FBXL17: variants seen among roughly 807,000 people sequenced by gnomAD.
FBXL17 encodes F-box and leucine rich repeat protein 17, also known as F-box/LRR-repeat protein 17.
A neutral mutation model predicts 66.2 loss-of-function variants in FBXL17; 22 were observed. That is an observed-to-expected ratio of 0.33 (90% CI 0.24 to 0.47). The LOEUF (loss-of-function observed/expected upper bound fraction) is 0.47. Ranked by LOEUF, FBXL17 falls within the 20% of genes least tolerant of loss-of-function variation. The pLI, the probability that FBXL17 is intolerant of heterozygous loss-of-function variation, is 1.00. For missense variants in FBXL17, 878 were observed against 948.2 expected, an observed-to-expected ratio of 0.93 and a Z score of 0.97; for synonymous variants, 474 against 400.5, an observed-to-expected ratio of 1.18 and a Z score of -2.19.
intron 7 of FBXL17, chr5:108,020,714 T>G (rs528125983): frequency 2.3e-6 from 1 of 435,906 alleles, no homozygotes; most frequent in African/African-American, 2.0e-5. Context: ...GTGTGTGTGA[T>G]TGCATGTGGC....
At chr5:108,310,068 T>A (rs931972306) in intron 4 of FBXL17, among the ~76,000 whole-genome samples, 1 of 152,102 alleles carries the variant, frequency 6.6e-6, no homozygotes, top group Non-Finnish European at 1.5e-5. Context: ...TAAAGGCAGG[T>A]GAATGTCTGT....
At chr5:108,353,419 A>T (rs1166986613) in intron 3 of FBXL17, among the ~76,000 whole-genome samples, 1 of 152,168 alleles carries the variant, frequency 6.6e-6, no homozygotes, top group Non-Finnish European at 1.5e-5. Flanking sequence ...TTCCAGGGGG[A>T]CCAGGTTATA....
At chr5:108,148,259 GATAA>G (rs34584839) in intron 6 of FBXL17, among the ~76,000 whole-genome samples, 30,006 of 151,924 alleles carry the variant, frequency 0.2, 3,189 homozygotes, top group South Asian at 0.41. Flanking sequence ...TAAAATATCA[GATAA>G]TAAGAGTACA....
rs376559649 is a variant in FBXL17, at chr5:108,278,386, G to A, written c.1507-54158C>T. ...GGAACCCGCTGCACCAGTCCTAGGT[G>A]TTAGAGAAACTCGGGCTGCTGCATG... On this transcript the variant is annotated intron_variant, in intron 4 of 8. Transcript: ENST00000542267. Among the ~76,000 whole-genome samples, 159 of 152,346 alleles carry A rather than the reference G, an allele frequency of 1.0e-3. 5 individuals are homozygous for A. In the South Asian group the frequency reaches 0.031, roughly 30 times the overall value.
At chr5:108,361,955 A>G (rs984648114) in intron 3 of FBXL17, among the ~76,000 whole-genome samples, 8 of 152,168 alleles carry the variant, frequency 5.3e-5, no homozygotes, top group African/African-American at 1.9e-4. Context: ...GGTGAGGCAC[A>G]GGCAAGTAAA....
rs573142351 is a variant in FBXL17 at position 107,997,757 on chromosome 5, G to C, written c.1822+23168C>G. Among the ~76,000 whole-genome samples, 40 of 152,294 alleles carry C rather than the reference G, an allele frequency of 2.6e-4. No homozygotes were observed. The South Asian group carries it at 8.1e-3, about 31-fold the overall frequency. On this transcript the variant is annotated intron_variant, in intron 7 of 8. Coordinates refer to ENST00000542267, the MANE Select transcript of FBXL17 (RefSeq NM_001163315.3). ...TTATAAAAAGAAAGGAAAAGCCTCA[G>C]AAGGATGAGGTAGGAGGTGAACTTA...
Position 107,973,137 on chromosome 5 carries a change from G to A in FBXL17, c.1822+47788C>T, listed in dbSNP as rs181240545. On this transcript the variant is annotated intron_variant, in intron 7 of 8. Transcript: ENST00000542267. ...CTGAACTGGGGCTTCAGGAAATGGA[G>A]CCTGTTCAGGGTATACTCCATTTTA... Among the ~76,000 whole-genome samples, 6 of 152,232 alleles carry A rather than the reference G, an allele frequency of 3.9e-5. No homozygotes were observed. In the East Asian group the frequency reaches 9.7e-4, roughly 25 times the overall value.
At chr5:108,272,904 C>T (rs941663013) in intron 4 of FBXL17, among the ~76,000 whole-genome samples, 4 of 152,080 alleles carry the variant, frequency 2.6e-5, no homozygotes, top group African/African-American at 9.7e-5. Flanking sequence ...TATCAGCGAA[C>T]CTGCCCCGAT....
chr5:108,110,806 C>G (rs1750004859), intron 6 of FBXL17, among the ~76,000 whole-genome samples: 1 of 151,152 alleles, frequency 6.6e-6, no homozygotes, highest in African/African-American at 2.4e-5. Flanking sequence ...ATTTGCTGTA[C>G]CTAGTTTCTT....
intron 5 of FBXL17, among the ~76,000 whole-genome samples, chr5:108,223,259 C>A (rs577719216): frequency 6.6e-6 from 1 of 152,232 alleles, no homozygotes; most frequent in South Asian, 2.1e-4. Context: ...TCAAAGAGAT[C>A]TGAAGACATC....
intron 7 of FBXL17, among the ~76,000 whole-genome samples, chr5:107,999,158 T>C (rs998562540): frequency 2.6e-5 from 4 of 152,182 alleles, no homozygotes; most frequent in African/African-American, 7.2e-5. Context: ...TTATGTTATA[T>C]AGGTCTATTG....
At chr5:108,208,820 T>C (rs1257469032) in intron 5 of FBXL17, among the ~76,000 whole-genome samples, 2 of 152,186 alleles carry the variant, frequency 1.3e-5, no homozygotes, top group African/African-American at 4.8e-5. Context: ...ATATAAATTT[T>C]AAAGTAGTTT....
chr5:108,334,224 C>T (rs530925446), intron 4 of FBXL17, among the ~76,000 whole-genome samples: 1 of 152,248 alleles, frequency 6.6e-6, no homozygotes, highest in East Asian at 1.9e-4. Flanking sequence ...GTTAAGCTTC[C>T]ACTCTGACTT....
rs115569125 is a variant in FBXL17 at position 108,138,469 on chromosome 5, G to A, written c.1745+47648C>T. ...ACGTTTTTTTCTTTCCTATTCCAAT[G>A]CCTAGTACAATTGGGCCTGATATTA... is the stretch of plus-strand genomic sequence containing the variant. On this transcript the variant is annotated intron_variant, in intron 6 of 8. Coordinates refer to ENST00000542267, the MANE Select transcript of FBXL17 (RefSeq NM_001163315.3). Among the ~76,000 whole-genome samples the A allele has an allele frequency of 3.0e-3, 455 of 152,176 alleles. 4 individuals are homozygous for A. The highest frequency in any genetic ancestry group is 0.01 in the African/African-American group (433 of 41,502).
chr5:107,951,630 G>C (rs1221357841), intron 7 of FBXL17, among the ~76,000 whole-genome samples: 1 of 152,250 alleles, frequency 6.6e-6, no homozygotes, highest in Non-Finnish European at 1.5e-5. Context: ...GGCAGTATAT[G>C]AGAGAGCTAA....
intron 8 of FBXL17, among the ~76,000 whole-genome samples, chr5:107,866,397 T>C (rs1448293176): frequency 6.6e-6 from 1 of 152,236 alleles, no homozygotes; most frequent in Non-Finnish European, 1.5e-5. Flanking sequence ...GCAATTTGTC[T>C]GATATTTTAA....
chr5:108,328,501 A>C (rs1476465487), intron 4 of FBXL17, among the ~76,000 whole-genome samples: 1 of 152,104 alleles, frequency 6.6e-6, no homozygotes, highest in Non-Finnish European at 1.5e-5. Flanking sequence ...TGATGGGAAA[A>C]AATGAAAAGA....
chr5:108,147,110 C>T (rs1485158131), intron 6 of FBXL17, among the ~76,000 whole-genome samples: 1 of 152,116 alleles, frequency 6.6e-6, no homozygotes, highest in Non-Finnish European at 1.5e-5. Flanking sequence ...TAATCACTTC[C>T]CAAAAGTCTC....
At chr5:108,368,126 G>A (rs184760698) in intron 1 of FBXL17, among the ~76,000 whole-genome samples, 173 bp from the exon 2 acceptor site, 1 of 152,178 alleles carries the variant, frequency 6.6e-6, no homozygotes, top group East Asian at 1.9e-4. Context: ...CTATGATACA[G>A]GAGCTAAAAA....
Sources: allele counts gnomAD v4.1 joint callset (sites outside exome capture counted in the v4.1 genomes callset), GRCh38; gene constraint gnomAD v4.1.1; transcripts MANE v1.5; gene names NCBI Gene and HGNC (gene_info 2026-07-23, HGNC 2026-07-21).